CUBN: variants seen among roughly 807,000 people sequenced by gnomAD.
CUBN encodes the protein cubilin.
In CUBN, 282 loss-of-function variants were observed where a neutral mutation model predicts 405.3. The observed-to-expected ratio is 0.70, with a 90% CI of 0.63 to 0.77. CUBN has a LOEUF of 0.77. Among genes scored for constraint, CUBN ranks in the 30% least tolerant of loss-of-function variants. The pLI is 0.00. For missense variants in CUBN, 4,514 were observed against 4,475.2 expected (o/e 1.01, Z -0.25); for synonymous variants, 1,684 against 1,617.0 (o/e 1.04, Z -0.99).
At chr10:16,891,375 G>A (rs894485034) in intron 54 of CUBN, among the ~76,000 whole-genome samples, 5 of 152,114 alleles carry the variant, frequency 3.3e-5, no homozygotes, top group Non-Finnish European at 5.9e-5. Flanking sequence ...TACCTAACTG[G>A]GGGAAGTGAG....
chr10:16,847,768 C>T (rs1839562889), intron 60 of CUBN, among the ~76,000 whole-genome samples: 1 of 152,164 alleles, frequency 6.6e-6, no homozygotes, highest in African/African-American at 2.4e-5. Flanking sequence ...TCCAAGTCAA[C>T]CCTTTCACAA....
intron 28 of CUBN, among the ~76,000 whole-genome samples, chr10:17,004,464 T>C (rs987188694): frequency 1.8e-4 from 27 of 152,204 alleles, no homozygotes; most frequent in African/African-American, 6.5e-4. Context: ...CCTGAACATC[T>C]CAAATTCAGC....
At chr10:16,942,097 T>G (rs915517742) in intron 36 of CUBN, among the ~76,000 whole-genome samples, 2 of 152,158 alleles carry the variant, frequency 1.3e-5, no homozygotes, top group African/African-American at 4.8e-5. Flanking sequence ...CAATGCAACT[T>G]AAATACCACA....
In CUBN at chr10:17,017,792, A is replaced by G. The variant is rs1377358412; in HGVS notation, c.4168+2041T>C. The stretch of plus-strand genomic sequence containing the variant: ...AAATCATTCTTACAGGAGAACCTAG[A>G]AAAGCAACAGAGACAGGGAGTGGTT... On this transcript the variant is annotated intron_variant, in intron 28 of 66. Coordinates refer to ENST00000377833, the MANE Select transcript of CUBN (RefSeq NM_001081.4). Among the ~76,000 whole-genome samples the G allele has an allele frequency of 2.6e-5, 4 of 152,178 alleles. No individual in the cohort carries two copies. In the East Asian group the frequency reaches 7.7e-4, roughly 29 times the overall value.
In CUBN at chr10:16,991,645, TTA is replaced by T. The variant is rs766040697; in HGVS notation, c.4169-1132_4169-1131del. 5.2e-3 allele frequency among the ~76,000 whole-genome samples: 789 copies of T among 151,036 alleles called. 9 individuals carry two copies. The highest frequency in any genetic ancestry group is 6.8e-3 in the Non-Finnish European group (463 of 67,678). ...CCTCTTTTTCTGTTTTTTTTTTTTT[TTA>T]AATATTCTTTATTGGTTGGTAAATT... On this transcript the variant is annotated intron_variant, in intron 28 of 66. Coordinates refer to ENST00000377833, the MANE Select transcript of CUBN (RefSeq NM_001081.4).
intron 48 of CUBN, among the ~76,000 whole-genome samples, chr10:16,908,188 C>T (rs1017495615): frequency 2.0e-5 from 3 of 151,814 alleles, no homozygotes; most frequent in Admixed American, 1.3e-4. Context: ...TCTTGTTGCC[C>T]AGGCTGGAGT....
intron 14 of CUBN, among the ~76,000 whole-genome samples, chr10:17,090,292 A>G (rs1163679273): frequency 6.6e-6 from 1 of 152,206 alleles, no homozygotes; most frequent in Non-Finnish European, 1.5e-5. Context: ...TATCTAAGAA[A>G]GAGGAAAATA....
At chr10:17,111,550 T>C (rs1434207135) in intron 8 of CUBN, among the ~76,000 whole-genome samples, 1 of 152,210 alleles carries the variant, frequency 6.6e-6, no homozygotes, top group Non-Finnish European at 1.5e-5. Flanking sequence ...TAAAAACGCT[T>C]TTTAATATCA....
At chr10:16,991,413 T>C (rs375218089) in intron 28 of CUBN, among the ~76,000 whole-genome samples, 1 of 152,364 alleles carries the variant, frequency 6.6e-6, no homozygotes, top group Non-Finnish European at 1.5e-5. Context: ...TGTATCTTAA[T>C]ACTTCATTAC....
intron 27 of CUBN, among the ~76,000 whole-genome samples, chr10:17,035,079 T>TAAA (rs11302576): frequency 5.1e-5 from 3 of 58,508 alleles, no homozygotes; most frequent in Admixed American, 2.0e-4. Flanking sequence ...AACCTATGGA[T>TAAA]AAAAAAAAAA....
intron 22 of CUBN, among the ~76,000 whole-genome samples, chr10:17,054,204 G>A (rs781354031): frequency 1.6e-4 from 24 of 151,630 alleles, no homozygotes; most frequent in Non-Finnish European, 2.7e-4. Context: ...GGTGGCGAGC[G>A]CCTGTAATCC....
In CUBN at chr10:17,002,238, C is replaced by CT. The variant is rs530282296; in HGVS notation, c.4169-11724dup. ...TTTTTGGCTGCTATGATATTTGAAACTGAAAAAAAAAAGTGTGGTTTTGGT... is the reference window on the plus strand; with the variant it reads ...TTTTTGGCTGCTATGATATTTGAAACTTGAAAAAAAAAAGTGTGGTTTTGGT... On this transcript the variant is annotated intron_variant, in intron 28 of 66. Coordinates refer to ENST00000377833, the MANE Select transcript of CUBN (RefSeq NM_001081.4). 2.4e-3 allele frequency among the ~76,000 whole-genome samples: 358 copies of CT among 151,162 alleles called. 1 individual carries two copies. Among genetic ancestry groups the CT allele is most frequent in the Non-Finnish European group, 4.3e-3 (289 of 67,788 alleles).
intron 22 of CUBN, 126 bp downstream of exon 22, chr10:17,065,382 T>C: frequency 8.2e-7 from 1 of 1,215,918 alleles, no homozygotes; most frequent in East Asian, 2.4e-5. Context: ...CACTACCCTT[T>C]ATTCTAAATA....
At chr10:16,837,089 C>A (rs1191488929) in intron 62 of CUBN, among the ~76,000 whole-genome samples, 3 of 151,946 alleles carry the variant, frequency 2.0e-5, no homozygotes, top group Non-Finnish European at 4.4e-5. Flanking sequence ...TGTAACTGCT[C>A]GGGGCTTCCA....
Position 17,085,771 on chromosome 10 carries a change from G to A in CUBN, c.1948-12C>T. The A allele has an allele frequency of 6.2e-7, 1 of 1,613,214 alleles. No homozygotes were observed. ...GGACCATCTCGAATCTAAAACAAAA[G>A]GATGAATCATTAAGCTCAAAGTGGT... On this transcript the variant is annotated splice_polypyrimidine_tract_variant and intron_variant, in intron 15 of 66. Coordinates refer to ENST00000377833, the MANE Select transcript of CUBN (RefSeq NM_001081.4).
At chr10:16,926,852 T>C (rs1465148218) in intron 41 of CUBN, among the ~76,000 whole-genome samples, 1 of 149,902 alleles carries the variant, frequency 6.7e-6, no homozygotes, top group Non-Finnish European at 1.5e-5. Flanking sequence ...TCTAGTCTAA[T>C]TGGGATACAA....
chr10:17,048,417 A>T (rs1168520667), intron 22 of CUBN, among the ~76,000 whole-genome samples: 3 of 152,206 alleles, frequency 2.0e-5, no homozygotes, highest in Non-Finnish European at 4.4e-5. Flanking sequence ...CCACCCACTC[A>T]ATCTCCTATG....
At chr10:16,983,814 G>T (rs1267325964) in intron 30 of CUBN, among the ~76,000 whole-genome samples, 1 of 152,328 alleles carries the variant, frequency 6.6e-6, no homozygotes, top group Non-Finnish European at 1.5e-5. Context: ...AGGTATGGAG[G>T]CTGGTTAAGA....
At chr10:16,869,514 T>G in intron 59 of CUBN, 122 bp downstream of exon 59, 6 of 786,578 alleles carry the variant, frequency 7.6e-6, no homozygotes, top group Non-Finnish European at 1.3e-5. Flanking sequence ...ACATGGCATA[T>G]TCTTCTAAGC....
Sources: gnomAD v4.1 joint callset for allele counts (sites outside exome capture counted in the v4.1 genomes callset) on GRCh38, gnomAD v4.1.1 for gene constraint, MANE v1.5 for transcripts, NCBI Gene and HGNC (gene_info 2026-07-23, HGNC 2026-07-21) for gene names.